Variants in TBXAS1 observed in about 807,000 individuals in gnomAD.
TBXAS1 encodes thromboxane-A synthase.
In TBXAS1, 48 loss-of-function variants were observed where a neutral mutation model predicts 60.7. The ratio of observed to expected loss-of-function variants is 0.79; its 90% confidence interval spans 0.63 to 1.01. TBXAS1 has a LOEUF of 1.01. Ranked by LOEUF, TBXAS1 falls within the 50% of genes least tolerant of loss-of-function variation. The pLI is 0.00. For missense variants in TBXAS1, 685 were observed against 686.3 expected (o/e 1.00, Z 0.02); for synonymous variants, 287 against 269.7 (o/e 1.06, Z -0.63).
At position 140,015,777 on chromosome 7, in the gene TBXAS1, A is replaced by G; in HGVS notation, c.1281A>G (p.Ala427=). ...DCEVLGQRIP[A]GAVLEMAVGA... is the part of the protein sequence containing the mutation. ...AGGTGCTGGGGCAGCGCATCCCCGC[A>G]GGCGCTGTGCTAGAGATGGCCGTGG... Residue 427 remains alanine (A), a synonymous_variant, in exon 11 of 13, where the codon GCA becomes GCG. Transcript: ENST00000448866. The G allele has an allele frequency of 1.2e-6, 2 of 1,613,634 alleles. No homozygotes were observed. Among genetic ancestry groups the G allele is most frequent in the Non-Finnish European group, 1.7e-6 (2 of 1,180,020 alleles).
intron 4 of TBXAS1, among the ~76,000 whole-genome samples, chr7:139,930,129 C>T (rs1433487381): frequency 6.6e-6 from 1 of 152,154 alleles, no homozygotes; most frequent in Non-Finnish European, 1.5e-5. Context: ...TAATGGTTCC[C>T]ATGCCCACCA....
At chr7:140,017,553 C>T (rs1444641323) in intron 11 of TBXAS1, 118 bp from the exon 12 acceptor site, 12 of 1,368,510 alleles carry the variant, frequency 8.8e-6, no homozygotes, top group Non-Finnish European at 8.0e-6. Flanking sequence ...CAGCCATCAG[C>T]TCCCAGAGCC....
Position 139,934,805 on chromosome 7 carries a change from A to G in TBXAS1, c.334-1386A>G, listed in dbSNP as rs148878944. On this transcript the variant is annotated intron_variant, in intron 4 of 12. Transcript: ENST00000448866. ...GATTAGGGCCCACCCTAATGACCTT[A>G]TTTTACCTTAATTACCTCTTTTTTT... Among the ~76,000 whole-genome samples, 607 of 151,898 alleles carry G rather than the reference A, an allele frequency of 4.0e-3. 3 individuals are homozygous for G. Among genetic ancestry groups the G allele is most frequent in the Middle Eastern group, 0.024 (7 of 294 alleles).
At chr7:139,905,438 A>C (rs62490078) in intron 3 of TBXAS1, among the ~76,000 whole-genome samples, 3,887 of 152,234 alleles carry the variant, frequency 0.026, 73 homozygotes, top group Non-Finnish European at 0.042. Context: ...GCGTATATTA[A>C]ACCATCCCTG....
chr7:139,853,762 G>T (rs1800389591), intron 1 of TBXAS1, among the ~76,000 whole-genome samples: 1 of 152,152 alleles, frequency 6.6e-6, no homozygotes, highest in South Asian at 2.1e-4. Context: ...AGGATTAACT[G>T]CAGATGACTA....
intron 3 of TBXAS1, among the ~76,000 whole-genome samples, chr7:139,876,162 A>G (rs79407723): frequency 0.061 from 9,262 of 152,230 alleles, 768 homozygotes; most frequent in African/African-American, 0.19. Flanking sequence ...ACCCCAGGAT[A>G]ACCTTATCAC....
At chr7:139,987,107 G>A (rs1017926044) in intron 9 of TBXAS1, among the ~76,000 whole-genome samples, 11 of 152,062 alleles carry the variant, frequency 7.2e-5, no homozygotes, top group Admixed American at 2.0e-4. Context: ...AGAGTTTCTC[G>A]TGCTTGGCTG....
At chr7:139,870,572 A>G (rs1801744037) in intron 1 of TBXAS1, among the ~76,000 whole-genome samples, 1 of 152,216 alleles carries the variant, frequency 6.6e-6, no homozygotes, top group Non-Finnish European at 1.5e-5. Context: ...TTCGGTACTC[A>G]CACTAATGAA....
chr7:140,017,864 G>C (rs376477263), intron 12 of TBXAS1, 31 bp downstream of exon 12: 10 of 1,613,866 alleles, frequency 6.2e-6, no homozygotes, highest in African/African-American at 1.3e-5. Flanking sequence ...GGCAGGGGCA[G>C]GGGCAGGGGT....
At chr7:139,931,772 G>T (rs759786737) in intron 4 of TBXAS1, among the ~76,000 whole-genome samples, 26 of 151,368 alleles carry the variant, frequency 1.7e-4, no homozygotes, top group Non-Finnish European at 1.9e-4. Context: ...TGAGATGTGG[G>T]TGGGGACACA....
chr7:139,780,158 G>A (rs746483260), intron 1 of TBXAS1, among the ~76,000 whole-genome samples: 2 of 152,284 alleles, frequency 1.3e-5, no homozygotes, highest in African/African-American at 2.4e-5. Flanking sequence ...TTCTCCTTTT[G>A]CATCTGTAAA....
intron 3 of TBXAS1, among the ~76,000 whole-genome samples, chr7:139,902,365 A>G (rs931332598): frequency 1.3e-5 from 2 of 152,104 alleles, no homozygotes; most frequent in Non-Finnish European, 2.9e-5. Flanking sequence ...ATCATACAGC[A>G]TGTAATCTAA....
chr7:139,869,398 A>T (rs528896858), intron 1 of TBXAS1, among the ~76,000 whole-genome samples: 1 of 151,644 alleles, frequency 6.6e-6, no homozygotes, highest in African/African-American at 2.4e-5. Context: ...TTATTTATTT[A>T]TTTTTTTGAG....
At chr7:139,784,021 T>G (rs978372762) in intron 3 of TBXAS1, among the ~76,000 whole-genome samples, 2 of 151,224 alleles carry the variant, frequency 1.3e-5, no homozygotes, top group African/African-American at 4.9e-5. Flanking sequence ...GTTTTTTTTT[T>G]TTTTGTATTT....
chr7:139,902,163 G>A (rs2116997403), intron 3 of TBXAS1, among the ~76,000 whole-genome samples: 1 of 151,492 alleles, frequency 6.6e-6, no homozygotes, highest in South Asian at 2.1e-4. Flanking sequence ...GTTCTATGCA[G>A]TTTTATCACC....
intron 4 of TBXAS1, among the ~76,000 whole-genome samples, chr7:139,822,288 T>C (rs1363640910): frequency 1.3e-5 from 2 of 152,168 alleles, no homozygotes; most frequent in Non-Finnish European, 2.9e-5. Context: ...TCTCTGGTTA[T>C]ATCTGTTGAA....
At chr7:139,867,581 A>G (rs1284122721) in intron 1 of TBXAS1, among the ~76,000 whole-genome samples, 5 of 152,150 alleles carry the variant, frequency 3.3e-5, no homozygotes, top group South Asian at 2.1e-4. Flanking sequence ...CACACTTTGG[A>G]AGGCCAAGGC....
intron 1 of TBXAS1, among the ~76,000 whole-genome samples, chr7:139,856,568 G>T (rs1800597958): frequency 6.6e-6 from 1 of 152,220 alleles, no homozygotes; most frequent in African/African-American, 2.4e-5. Context: ...ATGCAGAGCA[G>T]GGAGGCCAAA....
At position 139,972,973 on chromosome 7, in the gene TBXAS1, C is replaced by G. The variant is rs568267108; in HGVS notation, c.1134+10740C>G. Among the ~76,000 whole-genome samples the G allele has an allele frequency of 5.9e-5, 9 of 152,050 alleles. No homozygotes were observed. In the East Asian group the frequency reaches 1.4e-3, roughly 23 times the overall value. ...GAGCAGGGAGGCACAGTAGATAAAG[C>G]CTGTGAGTTACTGCGCCCAGCGAGA... On this transcript the variant is annotated intron_variant, in intron 9 of 12. Transcript: ENST00000448866.
Sources: allele counts gnomAD v4.1 joint callset (sites outside exome capture counted in the v4.1 genomes callset), GRCh38; gene constraint gnomAD v4.1.1; transcripts MANE v1.5; gene names NCBI Gene and HGNC (gene_info 2026-07-23, HGNC 2026-07-21).